PLXDC2: variants seen among roughly 807,000 people sequenced by gnomAD.
The protein encoded by PLXDC2 is plexin domain-containing protein 2.
In PLXDC2, 40 loss-of-function variants were observed where a neutral mutation model predicts 68.9. The ratio of observed to expected loss-of-function variants is 0.58; its 90% CI spans 0.45 to 0.76. The LOEUF (loss-of-function observed/expected upper bound fraction) is 0.76, where lower values mean the gene tolerates loss of function less well. PLXDC2 is among the 30% of genes least tolerant of loss of function. The pLI, the probability that PLXDC2 is intolerant of heterozygous loss-of-function variation, is 0.00. For synonymous variants in PLXDC2, 243 were observed against 234.2 expected, an observed-to-expected ratio of 1.04 and a Z score of -0.34; for missense variants, 644 against 661.9, an observed-to-expected ratio of 0.97 and a Z score of 0.30.
At chr10:19,995,279 G>T (rs956781662) in intron 1 of PLXDC2, among the ~76,000 whole-genome samples, 19 of 152,096 alleles carry the variant, frequency 1.2e-4, no homozygotes, top group South Asian at 2.1e-4. Context: ...AGCAAAATTG[G>T]TACAGGGGAA....
chr10:19,985,949 C>T (rs888542629), intron 1 of PLXDC2, among the ~76,000 whole-genome samples: 17 of 152,188 alleles, frequency 1.1e-4, no homozygotes, highest in Non-Finnish European at 2.5e-4. Flanking sequence ...TTCCTCCACT[C>T]CAGTCACACT....
intron 5 of PLXDC2, among the ~76,000 whole-genome samples, chr10:20,147,267 A>G (rs1450249614): frequency 6.6e-6 from 1 of 152,176 alleles, no homozygotes; most frequent in East Asian, 1.9e-4. Context: ...ACAGAAATAC[A>G]AGCATTGTGA....
chr10:20,071,900 A>T lies in PLXDC2; in HGVS notation c.541+3661A>T, dbSNP rs184890951. Among the ~76,000 whole-genome samples, 17 of 152,340 alleles carry T rather than the reference A, an allele frequency of 1.1e-4. No individual in the cohort carries two copies. The East Asian group carries it at 2.5e-3, about 22-fold the overall frequency. On this transcript the variant is annotated intron_variant, in intron 4 of 13. Transcript: ENST00000377252. ...GAGAAGAAGTGGAGAAGGAAGAGGCATTCCAGACAAGGGGATGCTGAGTTA... is the reference window on the plus strand; with the variant it reads ...GAGAAGAAGTGGAGAAGGAAGAGGCTTTCCAGACAAGGGGATGCTGAGTTA...
chr10:20,224,408 G>A (rs1036606624), intron 12 of PLXDC2, among the ~76,000 whole-genome samples: 1 of 152,122 alleles, frequency 6.6e-6, no homozygotes, highest in African/African-American at 2.4e-5. Flanking sequence ...GACTAGAAGA[G>A]TTATATTTTT....
intron 2 of PLXDC2, among the ~76,000 whole-genome samples, chr10:20,026,516 C>T (rs1395357899): frequency 5.9e-5 from 9 of 151,938 alleles, no homozygotes; most frequent in Non-Finnish European, 1.0e-4. Context: ...CAACTTTTAG[C>T]TTTTTAAGGA....
chr10:20,071,794 A>G (rs1295481094), intron 4 of PLXDC2, among the ~76,000 whole-genome samples: 1 of 152,216 alleles, frequency 6.6e-6, no homozygotes, highest in African/African-American at 2.4e-5. Context: ...GGGCCAGTCA[A>G]TTAAGAAGAG....
At chr10:19,859,249 A>G (rs993672506) in intron 1 of PLXDC2, among the ~76,000 whole-genome samples, 8 of 152,192 alleles carry the variant, frequency 5.3e-5, no homozygotes, top group Admixed American at 1.3e-4. Context: ...GGCAAAAAAC[A>G]AACAAACAAA....
chr10:20,042,904 T>C (rs547321806), intron 2 of PLXDC2, among the ~76,000 whole-genome samples: 1 of 152,314 alleles, frequency 6.6e-6, no homozygotes, highest in South Asian at 2.1e-4. Flanking sequence ...TGGTGCCACC[T>C]ACTTTCTCTA....
intron 10 of PLXDC2, among the ~76,000 whole-genome samples, chr10:20,216,391 G>T (rs180813094): frequency 8.2e-4 from 125 of 152,136 alleles, no homozygotes; most frequent in African/African-American, 2.8e-3. Context: ...AGATTAATGG[G>T]GCTCAGAGGT....
intron 12 of PLXDC2, among the ~76,000 whole-genome samples, chr10:20,238,696 C>CACATATATGTGTATATATAT (rs1554777593): frequency 0.098 from 10,392 of 105,616 alleles, 641 homozygotes; most frequent in Non-Finnish European, 0.11. Context: ...TATATATACA[C>CACATATATGTGTATATATAT]ACATATATAT....
intron 1 of PLXDC2, among the ~76,000 whole-genome samples, chr10:19,935,798 G>A (rs186578147): frequency 4.6e-5 from 7 of 152,274 alleles, no homozygotes; most frequent in Admixed American, 2.6e-4. Context: ...CACATTTTAG[G>A]ACAGTGAAGT....
intron 1 of PLXDC2, among the ~76,000 whole-genome samples, chr10:19,993,208 T>A (rs184552792): frequency 6.6e-6 from 1 of 152,332 alleles, no homozygotes; most frequent in African/African-American, 2.4e-5. Flanking sequence ...TATTTATTTT[T>A]AATACTTTAG....
chr10:20,241,921 A>G (rs1053117176), intron 12 of PLXDC2, among the ~76,000 whole-genome samples: 5 of 152,082 alleles, frequency 3.3e-5, no homozygotes, highest in African/African-American at 4.8e-5. Flanking sequence ...AGAATCAGAC[A>G]CTGGATGGGT....
chr10:19,860,221 A>G (rs1190115190), intron 1 of PLXDC2, among the ~76,000 whole-genome samples: 1 of 152,106 alleles, frequency 6.6e-6, no homozygotes, highest in Non-Finnish European at 1.5e-5. Flanking sequence ...GCAGTTTGCA[A>G]TCATTGATCT....
intron 1 of PLXDC2, among the ~76,000 whole-genome samples, chr10:19,876,225 A>G (rs1013478272): frequency 6.6e-6 from 1 of 152,218 alleles, no homozygotes; most frequent in African/African-American, 2.4e-5. Flanking sequence ...CTATTGTGGT[A>G]AAATGAGTTT....
intron 12 of PLXDC2, among the ~76,000 whole-genome samples, chr10:20,239,140 C>G (rs140306728): frequency 1.3e-5 from 2 of 152,132 alleles, no homozygotes; most frequent in African/African-American, 4.8e-5. Context: ...GATTTGAATT[C>G]TTCTGTGTGT....
At chr10:20,114,890 A>G (rs749711198) in intron 4 of PLXDC2, among the ~76,000 whole-genome samples, 2 of 152,202 alleles carry the variant, frequency 1.3e-5, no homozygotes, top group Non-Finnish European at 2.9e-5. Context: ...TCAGCAATTC[A>G]CACTTGAAAC....
At chr10:20,061,636 C>T (rs2358917) in intron 3 of PLXDC2, among the ~76,000 whole-genome samples, 22,225 of 152,148 alleles carry the variant, frequency 0.15, 1,911 homozygotes, top group South Asian at 0.3. Context: ...CTTCTCATTA[C>T]ACTTCTACCT....
At chr10:20,044,672 A>G (rs1366311600) in intron 2 of PLXDC2, among the ~76,000 whole-genome samples, 1 of 152,080 alleles carries the variant, frequency 6.6e-6, no homozygotes, top group Non-Finnish European at 1.5e-5. Flanking sequence ...CATAGTAGCA[A>G]AATGGAGCCA....
Sources: allele counts gnomAD v4.1 joint callset (sites outside exome capture counted in the v4.1 genomes callset), GRCh38; gene constraint gnomAD v4.1.1; transcripts MANE v1.5; gene names NCBI Gene and HGNC (gene_info 2026-07-23, HGNC 2026-07-21).